Variants in CDH8 observed in about 807,000 individuals in gnomAD.
The protein encoded by CDH8 is cadherin 8.
In CDH8, 17 loss-of-function variants were observed where a neutral mutation model predicts 68.1. The ratio of observed to expected loss-of-function variants is 0.25; its 90% CI spans 0.17 to 0.37. The LOEUF (loss-of-function observed/expected upper bound fraction) is 0.37. Among genes scored for constraint, CDH8 ranks in the 10% least tolerant of loss-of-function variants. The pLI is 1.00. For missense variants in CDH8, 763 were observed against 999.3 expected, an observed-to-expected ratio of 0.76 and a Z score of 3.19; for synonymous variants, 372 against 365.1, an observed-to-expected ratio of 1.02 and a Z score of -0.21.
intron 10 of CDH8, among the ~76,000 whole-genome samples, chr16:61,700,802 A>C: frequency 6.6e-6 from 1 of 152,178 alleles, no homozygotes; most frequent in East Asian, 1.9e-4. Flanking sequence ...AGATAGCAGA[A>C]ATAAGCTGTA....
chr16:61,863,063 G>C (rs2143018980), intron 3 of CDH8, among the ~76,000 whole-genome samples: 1 of 152,222 alleles, frequency 6.6e-6, no homozygotes, highest in East Asian at 1.9e-4. Context: ...TGTATTTCCA[G>C]CTGTTGTCAA....
In CDH8 at chr16:61,655,730, A is replaced by C; in HGVS notation, c.1655-9T>G. 6.2e-7 allele frequency: 1 copy of C among 1,611,536 alleles called. No homozygotes were observed. The highest frequency in any genetic ancestry group is 2.2e-5 in the East Asian group (1 of 44,856). On this transcript the variant is annotated splice_polypyrimidine_tract_variant and intron_variant, in intron 10 of 11. Coordinates refer to ENST00000577390, the MANE Select transcript of CDH8 (RefSeq NM_001796.5). ...AATACTGAGGGAATTATCTGAAAAA[A>C]GTAAAAATTACAATAATTTGCATCA...
chr16:61,892,574 C>A (rs1349529693), intron 3 of CDH8, among the ~76,000 whole-genome samples: 1 of 151,972 alleles, frequency 6.6e-6, no homozygotes, highest in African/African-American at 2.4e-5. Context: ...ATGTTGCCAC[C>A]GATCTATTCT....
intron 8 of CDH8, among the ~76,000 whole-genome samples, chr16:61,769,726 C>A (rs868781553): frequency 1.3e-5 from 2 of 151,772 alleles, no homozygotes; most frequent in African/African-American, 2.4e-5. Context: ...AATTATAGTA[C>A]GTGAACATTA....
At chr16:61,666,000 A>G (rs904459726) in intron 10 of CDH8, among the ~76,000 whole-genome samples, 5 of 151,964 alleles carry the variant, frequency 3.3e-5, no homozygotes, top group Non-Finnish European at 7.4e-5. Context: ...TAAACAATTC[A>G]TAAATTTTAA....
intron 2 of CDH8, among the ~76,000 whole-genome samples, chr16:62,018,683 T>A (rs556864950): frequency 6.6e-6 from 1 of 152,316 alleles, no homozygotes; most frequent in African/African-American, 2.4e-5. Context: ...GCAGAAAAGT[T>A]TTCCAGAAAA....
intron 10 of CDH8, among the ~76,000 whole-genome samples, chr16:61,707,614 T>C (rs1964557620): frequency 6.6e-6 from 1 of 152,194 alleles, no homozygotes; most frequent in African/African-American, 2.4e-5. Flanking sequence ...AAGCACTTGG[T>C]AGGTGTTACT....
In CDH8 at chr16:61,727,152, G is replaced by T; in HGVS notation, c.1478C>A (p.Ala493Asp). 6 of 1,610,466 alleles carry T rather than the reference G, an allele frequency of 3.7e-6. No homozygotes were observed. Among genetic ancestry groups the T allele is most frequent in the Non-Finnish European group, 5.1e-6 (6 of 1,177,602 alleles). ...AIKVLDVNDN[A>D]PEFASEYEAF... ...CTCATATTCGGATGCGAATTCAGGG[G>T]CGTTGTCATTGACATCCAGCACTTT... Residue 493 changes from alanine (A) to aspartate (D), a missense_variant, in exon 9 of 12, where the codon GCC becomes GAC. Ala to Asp is a moderately radical substitution (Grantham distance 126). Transcript: ENST00000577390.
At chr16:61,810,469 CAG>C (rs1961915251) in intron 7 of CDH8, among the ~76,000 whole-genome samples, 1 of 144,330 alleles carries the variant, frequency 6.9e-6, no homozygotes, top group Non-Finnish European at 1.5e-5. Flanking sequence ...TCTTTATAGT[CAG>C]AGAGGAGAGA....
At chr16:61,728,477 G>A (rs546144846) in intron 8 of CDH8, among the ~76,000 whole-genome samples, 2 of 151,090 alleles carry the variant, frequency 1.3e-5, no homozygotes, top group East Asian at 3.9e-4. Context: ...AAAAATCAAG[G>A]TGATGGCCTG....
intron 10 of CDH8, among the ~76,000 whole-genome samples, chr16:61,668,043 C>G (rs1442042721): frequency 6.6e-6 from 1 of 151,846 alleles, no homozygotes; most frequent in African/African-American, 2.4e-5. Context: ...GTTATGACAC[C>G]TTTATTAGAG....
Position 61,653,166 on chromosome 16 carries a change from T to C in CDH8, c.*442A>G, listed in dbSNP as rs910218395. The stretch of plus-strand genomic sequence containing the variant: ...TTTATCATTTGTGGCGGGATCCTTA[T>C]TGGTGAAGGGGAAAAAACCATTTGC... On this transcript the variant is annotated 3_prime_UTR_variant, in exon 12 of 12. Transcript: ENST00000577390. 5 of 1,229,918 alleles carry C rather than the reference T, an allele frequency of 4.1e-6. No individual in the cohort carries two copies. The African/African-American group carries it at 6.2e-5, about 15-fold the overall frequency. 76.2% of individuals were successfully genotyped at this position (1,229,918 alleles called of 1,614,324 possible).
intron 2 of CDH8, among the ~76,000 whole-genome samples, chr16:61,966,404 G>C (rs1965252970): frequency 6.6e-6 from 1 of 152,122 alleles, no homozygotes; most frequent in African/African-American, 2.4e-5. Context: ...TAGGTGTGGT[G>C]GTGTTCGCCT....
At chr16:61,860,387 A>G (rs1362617701) in intron 3 of CDH8, among the ~76,000 whole-genome samples, 3 of 152,150 alleles carry the variant, frequency 2.0e-5, no homozygotes, top group Non-Finnish European at 2.9e-5. Flanking sequence ...TGTAGTAACT[A>G]TTTTTGCAAC....
chr16:61,677,570 A>C (rs1421843766), intron 10 of CDH8, among the ~76,000 whole-genome samples: 1 of 151,940 alleles, frequency 6.6e-6, no homozygotes, highest in Admixed American at 6.6e-5. Context: ...GACAAATTGC[A>C]ACAACCCCCA....
At chr16:61,723,720 AC>A (rs1959259422) in intron 9 of CDH8, among the ~76,000 whole-genome samples, 1 of 150,522 alleles carries the variant, frequency 6.6e-6, no homozygotes, top group Non-Finnish European at 1.5e-5. Flanking sequence ...GAAACCCACC[AC>A]CCTATCAGAC....
At chr16:61,667,584 G>A (rs1298922280) in intron 10 of CDH8, 2 of 151,944 alleles carry the variant, frequency 1.3e-5, no homozygotes, top group African/African-American at 4.8e-5. Context: ...TGAAACTTAA[G>A]CAGAGAATGG....
chr16:61,714,099 T>C (rs1348596915), intron 9 of CDH8, 141 bp from the exon 10 acceptor site: 6 of 683,222 alleles, frequency 8.8e-6, no homozygotes, highest in Non-Finnish European at 1.0e-5. Context: ...TCATGGATGG[T>C]TTGTGCCAAG....
At chr16:61,852,204 G>T (rs1962951404) in intron 4 of CDH8, among the ~76,000 whole-genome samples, 2 of 152,116 alleles carry the variant, frequency 1.3e-5, no homozygotes, top group South Asian at 2.1e-4. Flanking sequence ...TTTATCTAAA[G>T]GTGAGAAAGA....
Sources: allele counts gnomAD v4.1 joint callset (sites outside exome capture counted in the v4.1 genomes callset), GRCh38; gene constraint gnomAD v4.1.1; transcripts MANE v1.5; gene names NCBI Gene and HGNC (gene_info 2026-07-23, HGNC 2026-07-21).